SUMF1: variants seen among roughly 807,000 people sequenced by gnomAD.
The protein encoded by SUMF1 is sulfatase modifying factor 1, also known as formylglycine-generating enzyme.
Under a neutral mutation model 47.6 loss-of-function variants are expected in SUMF1, and 48 were observed. The observed-to-expected ratio is 1.01, with a 90% CI of 0.80 to 1.28. The LOEUF (loss-of-function observed/expected upper bound fraction) is 1.28. Ranked by LOEUF, SUMF1 falls within the 50% of genes most tolerant of loss-of-function variation. The pLI is 0.00. For synonymous variants in SUMF1, 230 were observed against 192.1 expected (o/e 1.20, Z -1.63); for missense variants, 571 against 485.4 (o/e 1.18, Z -1.66).
intron 8 of SUMF1, among the ~76,000 whole-genome samples, chr3:4,233,310 C>T (rs1002402910): frequency 1.1e-4 from 17 of 152,112 alleles, no homozygotes; most frequent in African/African-American, 2.4e-5. Flanking sequence ...CCAAACCTTC[C>T]TACTTCACTG....
chr3:4,246,900 T>G (rs1696684227), intron 8 of SUMF1, among the ~76,000 whole-genome samples: 1 of 152,186 alleles, frequency 6.6e-6, no homozygotes. Context: ...CCAGTTTTAA[T>G]TATATATTTC....
At chr3:4,420,505 T>C (rs1701860165) in intron 3 of SUMF1, among the ~76,000 whole-genome samples, 1 of 151,628 alleles carries the variant, frequency 6.6e-6, no homozygotes, top group Admixed American at 6.6e-5. Context: ...CAACCGATTC[T>C]CCTGCCTCAG....
chr3:4,121,303 ATAAC>A (rs1192599092), intron 8 of SUMF1, among the ~76,000 whole-genome samples: 1 of 152,208 alleles, frequency 6.6e-6, no homozygotes, highest in Non-Finnish European at 1.5e-5. Context: ...CCAAGGTCAA[ATAAC>A]TAATAAATTA....
intron 2 of SUMF1, among the ~76,000 whole-genome samples, chr3:4,452,596 T>C (rs907919830): frequency 4.6e-5 from 7 of 152,338 alleles, no homozygotes; most frequent in South Asian, 2.1e-4. Context: ...TAGCACATGT[T>C]CTGAGGTCAA....
At chr3:4,036,530 A>G (rs893844696) in intron 9 of SUMF1, among the ~76,000 whole-genome samples, 2 of 151,836 alleles carry the variant, frequency 1.3e-5, no homozygotes, top group African/African-American at 2.4e-5. Context: ...CTCTTCCCAT[A>G]GGCCTGAGTG....
At chr3:4,422,059 A>G (rs1353983374) in intron 3 of SUMF1, among the ~76,000 whole-genome samples, 1 of 152,240 alleles carries the variant, frequency 6.6e-6, no homozygotes, top group African/African-American at 2.4e-5. Context: ...TTTCAACAAA[A>G]GAAGGCATTA....
chr3:4,303,402 C>T lies in SUMF1; in HGVS notation c.1014+72928G>A. 3.8e-6 allele frequency: 6 copies of T among 1,558,874 alleles called. No individual in the cohort carries two copies. The African/African-American group carries it at 7.1e-5, about 18-fold the overall frequency. On this transcript the variant is annotated intron_variant and NMD_transcript_variant, in intron 8 of 12. Transcript: ENST00000448413. ...GCGGAAGCGGCAAAGACGACACGGCCTTGTGGGATGGCGGAGTTTAAGGAG... is the reference window on the plus strand; with the variant it reads ...GCGGAAGCGGCAAAGACGACACGGCTTTGTGGGATGGCGGAGTTTAAGGAG...
chr3:4,417,043 A>C (rs922341600), intron 6 of SUMF1, 85 bp downstream of exon 6: 7 of 1,248,796 alleles, frequency 5.6e-6, no homozygotes, highest in Non-Finnish European at 7.1e-6. Flanking sequence ...TGAGTCACAA[A>C]GTGAGCAATG....
intron 8 of SUMF1, among the ~76,000 whole-genome samples, chr3:4,197,001 A>T (rs1034751289): frequency 2.0e-5 from 3 of 152,152 alleles, no homozygotes; most frequent in Admixed American, 1.3e-4. Flanking sequence ...TACTGGCCTC[A>T]ACTGAGATAC....
At chr3:4,050,248 T>A (rs928314204) in intron 9 of SUMF1, among the ~76,000 whole-genome samples, 2 of 151,562 alleles carry the variant, frequency 1.3e-5, no homozygotes, top group Non-Finnish European at 2.9e-5. Context: ...TATTTCCCTA[T>A]CTCCTGTCCG....
chr3:4,068,542 A>T (rs1177837407), intron 9 of SUMF1: 2 of 253,542 alleles, frequency 7.9e-6, no homozygotes, highest in African/African-American at 2.2e-5. Context: ...CTAAGTCTTC[A>T]AAATTCAGTG....
chr3:4,088,798 A>C (rs1411463340), intron 8 of SUMF1, among the ~76,000 whole-genome samples: 1 of 152,054 alleles, frequency 6.6e-6, no homozygotes, highest in Admixed American at 6.6e-5. Context: ...GGCCATCCCG[A>C]TCAATTTCCC....
At chr3:4,208,449 T>G (rs1343928777) in intron 8 of SUMF1, among the ~76,000 whole-genome samples, 3 of 139,896 alleles carry the variant, frequency 2.1e-5, no homozygotes, top group African/African-American at 8.2e-5. Context: ...TACAGAAAAT[T>G]TATAGGACAT....
At chr3:4,401,995 T>G (rs1037317397) in intron 7 of SUMF1, among the ~76,000 whole-genome samples, 2 of 152,154 alleles carry the variant, frequency 1.3e-5, no homozygotes, top group Non-Finnish European at 2.9e-5. Flanking sequence ...ACAGCTCTAC[T>G]GCTCCATAAG....
intron 8 of SUMF1, among the ~76,000 whole-genome samples, chr3:4,375,269 A>G (rs574141953): frequency 6.6e-6 from 1 of 152,298 alleles, no homozygotes; most frequent in Non-Finnish European, 1.5e-5. Flanking sequence ...AAAAATTCTA[A>G]GAAATACAGA....
At position 4,261,430 on chromosome 3, in the gene SUMF1, G is replaced by A. The variant is rs112733134; in HGVS notation, c.1014+114900C>T. Among the ~76,000 whole-genome samples, 174 of 152,300 alleles carry A rather than the reference G, an allele frequency of 1.1e-3. 1 individual carries two copies. The highest frequency in any genetic ancestry group is 3.8e-3 in the African/African-American group (158 of 41,562). ...TACTTTTACTTAAATGTCTGCCTTT[G>A]ATGCTTTGCTGTCTAACTGGGAACT... On this transcript the variant is annotated intron_variant and NMD_transcript_variant, in intron 8 of 12. Transcript: ENST00000448413.
intron 8 of SUMF1, among the ~76,000 whole-genome samples, chr3:4,166,397 G>C (rs116560398): frequency 0.028 from 4,315 of 152,188 alleles, 96 homozygotes; most frequent in African/African-American, 0.051. Context: ...CTAGCTTCAT[G>C]AATAGCCTTT....
In SUMF1 at chr3:4,370,022, G is replaced by A. The variant is rs1481817686; in HGVS notation, c.1014+6308C>T. Among the ~76,000 whole-genome samples the A allele has an allele frequency of 2.6e-5, 4 of 152,174 alleles. No individual in the cohort carries two copies. In the South Asian group the frequency reaches 6.2e-4, roughly 24 times the overall value. On this transcript the variant is annotated intron_variant, in intron 8 of 8. Coordinates refer to ENST00000272902, the MANE Select transcript of SUMF1 (RefSeq NM_182760.4). ...TATCAGGGAGCTGACATTCAAAAGG[G>A]AATTGTCAGACAATAAATAAACCGA...
At chr3:4,086,883 T>C (rs1574870374) in intron 8 of SUMF1, among the ~76,000 whole-genome samples, 1 of 152,224 alleles carries the variant, frequency 6.6e-6, no homozygotes, top group South Asian at 2.1e-4. Flanking sequence ...ACATAAGACA[T>C]GCCTCTTGCC....
Sources: allele counts gnomAD v4.1 joint callset (sites outside exome capture counted in the v4.1 genomes callset), GRCh38; gene constraint gnomAD v4.1.1; transcripts MANE v1.5; gene names NCBI Gene and HGNC (gene_info 2026-07-23, HGNC 2026-07-21).